CUX1: variants seen among roughly 807,000 people sequenced by gnomAD.
CUX1 encodes cut like homeobox 1.
CUX1 carries 31 observed loss-of-function variants against 158.8 expected under a neutral mutation model. That is an observed-to-expected ratio of 0.20 (90% CI 0.15 to 0.26). The LOEUF (loss-of-function observed/expected upper bound fraction) is 0.26, where lower values mean the gene tolerates loss of function less well. Ranked by LOEUF, CUX1 falls within the 10% of genes least tolerant of loss-of-function variation. The pLI is 1.00. For missense variants in CUX1, 1,589 were observed against 2,014.6 expected (o/e 0.79, Z 4.04); for synonymous variants, 879 against 862.1 (o/e 1.02, Z -0.34).
rs1423936202 is a variant in CUX1, at chr7:102,028,226, C to T, written c.189+81C>T. ...TTTTATTCACATTAAAGAAATGCTC[C>T]GGGCAAAAGGTGCTGCCCAGATGGT... On this transcript the variant is annotated intron_variant, in intron 3 of 23. Coordinates refer to ENST00000292535, the MANE Select transcript of CUX1 (RefSeq NM_181552.4). 50 of 1,474,160 alleles carry T rather than the reference C, an allele frequency of 3.4e-5. No individual in the cohort carries two copies. The Middle Eastern group carries it at 5.2e-4, about 15-fold the overall frequency. 91.3% of individuals were successfully genotyped at this position (1,474,160 alleles called of 1,614,324 possible). A position where few individuals can be genotyped will look rare whatever the true frequency, so the allele number is the denominator to read the frequency against.
rs558090872 is a variant in CUX1 at position 101,972,115 on chromosome 7, T to C, written c.141+55890T>C. 2.6e-4 allele frequency among the ~76,000 whole-genome samples: 39 copies of C among 152,228 alleles called. No individual in the cohort carries two copies. The East Asian group carries it at 7.2e-3, about 28-fold the overall frequency. ...CCAAGACGCTGGGACTACAGGCGCCTGCCACCACGCCCAGCTAATTTTTTG... is the reference window on the plus strand; with the variant it reads ...CCAAGACGCTGGGACTACAGGCGCCCGCCACCACGCCCAGCTAATTTTTTG... On this transcript the variant is annotated intron_variant, in intron 2 of 23. Transcript: ENST00000292535.
At chr7:101,994,164 C>A (rs1159448150) in intron 2 of CUX1, among the ~76,000 whole-genome samples, 1 of 152,224 alleles carries the variant, frequency 6.6e-6, no homozygotes, top group Non-Finnish European at 1.5e-5. Context: ...CCAATTTCAT[C>A]TCCTGAGGAC....
At chr7:102,270,633 A>G (rs1327202017) in intron 14 of CUX1, among the ~76,000 whole-genome samples, 1 of 152,144 alleles carries the variant, frequency 6.6e-6, no homozygotes, top group Non-Finnish European at 1.5e-5. Flanking sequence ...TATCACCCCA[A>G]GCCACCTCTT....
chr7:102,162,828 C>T (rs1790599189), intron 9 of CUX1, among the ~76,000 whole-genome samples: 1 of 152,094 alleles, frequency 6.6e-6, no homozygotes, highest in Admixed American at 6.6e-5. Flanking sequence ...GAAGCTTATT[C>T]CCAGTGGTCT....
At chr7:102,022,666 G>C (rs1371303362) in intron 2 of CUX1, among the ~76,000 whole-genome samples, 2 of 151,484 alleles carry the variant, frequency 1.3e-5, no homozygotes, top group East Asian at 1.9e-4. Context: ...CTTCCACATA[G>C]AAACCTCTCT....
At chr7:101,822,288 A>G (rs1390393007) in intron 1 of CUX1, 1 of 152,160 alleles carries the variant, frequency 6.6e-6, no homozygotes, top group Non-Finnish European at 1.5e-5. Flanking sequence ...CCAAGTTTCG[A>G]TGGTGTGTCA....
chr7:102,268,726 G>A (rs1554545586), intron 14 of CUX1, among the ~76,000 whole-genome samples: 4 of 152,100 alleles, frequency 2.6e-5, no homozygotes, highest in Non-Finnish European at 4.4e-5. Flanking sequence ...CTGGGGAGGC[G>A]TTGGAGGCTT....
At chr7:101,899,113 G>A (rs1276550218) in intron 1 of CUX1, among the ~76,000 whole-genome samples, 2 of 152,234 alleles carry the variant, frequency 1.3e-5, no homozygotes, top group East Asian at 3.9e-4. Context: ...TGCTGCATGG[G>A]CAGTGTTCTG....
intron 8 of CUX1, among the ~76,000 whole-genome samples, chr7:102,144,144 T>G (rs912215450): frequency 5.3e-5 from 8 of 152,318 alleles, no homozygotes; most frequent in African/African-American, 1.9e-4. Flanking sequence ...GCAGCGTCCT[T>G]TAGATTCTCC....
chr7:101,816,187 G>C, upstream of CUX1: 1 of 469,580 alleles, frequency 2.1e-6, no homozygotes, highest in Non-Finnish European at 2.8e-6. Flanking sequence ...CCAGCCGCCG[G>C]GGGGCCCGCG....
In CUX1 at chr7:101,887,921, G is replaced by A. The variant is rs138396466; in HGVS notation, c.31-28194G>A. ...TTGGTTTACGGAAAGCCCAGATGTC[G>A]TGGTCCCTCTGCGTGCCCACTCCAG... On this transcript the variant is annotated intron_variant, in intron 1 of 23. Transcript: ENST00000292535. 8.0e-5 allele frequency among the ~76,000 whole-genome samples: 12 copies of A among 149,156 alleles called. No homozygotes were observed. The East Asian group carries it at 1.4e-3, about 17-fold the overall frequency.
In CUX1 at chr7:102,250,052, G is replaced by GAA; in HGVS notation, c.*1018_*1019dup. The GAA allele has an allele frequency of 1.1e-6, 1 of 917,346 alleles. No individual in the cohort carries two copies. Among genetic ancestry groups the GAA allele is most frequent in the Non-Finnish European group, 1.3e-6 (1 of 795,150 alleles). 56.8% of individuals were successfully genotyped at this position (917,346 alleles called of 1,614,324 possible). A position where few individuals can be genotyped will look rare whatever the true frequency, so the allele number is the denominator to read the frequency against. On this transcript the variant is annotated 3_prime_UTR_variant, in exon 24 of 24. Transcript: ENST00000292535. ...CTAGGCCAAATCAGGACAAAAAAAA[G>GAA]AAAAAAAAAGAAAAAAAAAAAAGAA... is the stretch of plus-strand genomic sequence containing the variant.
chr7:102,145,119 C>G (rs1170407908), intron 8 of CUX1, among the ~76,000 whole-genome samples: 4 of 150,740 alleles, frequency 2.7e-5, no homozygotes, highest in African/African-American at 9.8e-5. Flanking sequence ...ATTTGAATCT[C>G]GATTCAAGTA....
intron 20 of CUX1, among the ~76,000 whole-genome samples, chr7:102,222,698 C>CT (rs1797924714): frequency 6.6e-6 from 1 of 151,516 alleles, no homozygotes; most frequent in Non-Finnish European, 1.5e-5. Context: ...CACAGTCACT[C>CT]TGTCACTAAC....
intron 8 of CUX1, among the ~76,000 whole-genome samples, chr7:102,119,178 G>A (rs1230039482): frequency 6.6e-5 from 10 of 152,190 alleles, no homozygotes; most frequent in Non-Finnish European, 5.9e-5. Context: ...CGTGGTATGC[G>A]TTTCTGAAAT....
rs374178441 is a variant in CUX1, at chr7:102,250,061, AG to A, written c.*1020del. On this transcript the variant is annotated 3_prime_UTR_variant, in exon 24 of 24. Transcript: ENST00000292535. The stretch of plus-strand genomic sequence containing the variant: ...ATCAGGACAAAAAAAAGAAAAAAAA[AG>A]AAAAAAAAAAAAGAAAAGATCCGAA... The A allele has an allele frequency of 1.0e-6, 1 of 977,794 alleles. No homozygotes were observed. The highest frequency in any genetic ancestry group is 1.2e-6 in the Non-Finnish European group (1 of 825,584). 60.6% of individuals were successfully genotyped at this position (977,794 alleles called of 1,614,324 possible).
intron 18 of CUX1, among the ~76,000 whole-genome samples, chr7:102,279,172 C>G (rs1012418239): frequency 6.6e-6 from 1 of 152,116 alleles, no homozygotes; most frequent in Non-Finnish European, 1.5e-5. Context: ...GAAACCCCGT[C>G]TCTACTAAAA....
intron 2 of CUX1, among the ~76,000 whole-genome samples, chr7:101,974,775 T>C (rs1478007458): frequency 6.6e-6 from 1 of 152,064 alleles, no homozygotes; most frequent in Non-Finnish European, 1.5e-5. Context: ...AATTTTATAG[T>C]AGGAATTATT....
intron 2 of CUX1, among the ~76,000 whole-genome samples, chr7:102,002,566 CT>C (rs1681701579): frequency 1.3e-5 from 2 of 152,228 alleles, no homozygotes; most frequent in African/African-American, 2.4e-5. Context: ...GGCCAGTCCC[CT>C]CCCTGCCCTG....
Sources: allele counts gnomAD v4.1 joint callset (sites outside exome capture counted in the v4.1 genomes callset), GRCh38; gene constraint gnomAD v4.1.1; transcripts MANE v1.5; gene names NCBI Gene and HGNC (gene_info 2026-07-23, HGNC 2026-07-21).